Variants in TIAM2 observed in about 807,000 individuals in gnomAD.
The protein encoded by TIAM2 is TIAM Rac1 associated GEF 2.
A neutral mutation model predicts 152.9 loss-of-function variants in TIAM2; 80 were observed. The ratio of observed to expected loss-of-function variants is 0.52; its 90% CI spans 0.44 to 0.63. TIAM2 has a LOEUF of 0.63. Ranked by LOEUF, TIAM2 falls within the 30% of genes least tolerant of loss-of-function variation. The pLI is 0.00. For missense variants in TIAM2, 1,965 were observed against 2,120.1 expected, an observed-to-expected ratio of 0.93 and a Z score of 1.44; for synonymous variants, 804 against 838.0, an observed-to-expected ratio of 0.96 and a Z score of 0.70.
chr6:155,080,008 C>T (rs1336266526), intron 1 of TIAM2, among the ~76,000 whole-genome samples: 1 of 152,130 alleles, frequency 6.6e-6, no homozygotes. Flanking sequence ...CTGCTTGGAT[C>T]GTTCTGATGA....
At chr6:155,234,959 G>C (rs1014320492) in intron 15 of TIAM2, among the ~76,000 whole-genome samples, 22 of 151,908 alleles carry the variant, frequency 1.4e-4, no homozygotes, top group Non-Finnish European at 2.4e-4. Flanking sequence ...GGGCTGTGCG[G>C]ACAGCTAGAG....
intron 18 of TIAM2, 156 bp downstream of exon 18, chr6:155,244,939 G>GTTT: frequency 2.0e-6 from 2 of 983,422 alleles, no homozygotes; most frequent in Non-Finnish European, 2.8e-6. Flanking sequence ...CCTCTGTCAG[G>GTTT]TGGTAAAGGA....
At chr6:155,087,416 A>G (rs17085946) in intron 1 of TIAM2, among the ~76,000 whole-genome samples, 3,217 of 152,332 alleles carry the variant, frequency 0.021, 121 homozygotes, top group African/African-American at 0.073. Flanking sequence ...GACAGAGCCT[A>G]GTGAAGCTTG....
chr6:155,199,904 C>T (rs1781438580), intron 14 of TIAM2, among the ~76,000 whole-genome samples: 1 of 152,206 alleles, frequency 6.6e-6, no homozygotes, highest in Admixed American at 6.5e-5. Flanking sequence ...GTGTTATTAT[C>T]ATTTTACTTT....
intron 1 of TIAM2, among the ~76,000 whole-genome samples, chr6:155,029,485 C>CTATATATTATATATACTA (rs371777184): frequency 9.6e-5 from 1 of 10,368 alleles, no homozygotes; most frequent in Non-Finnish European, 1.8e-4. Flanking sequence ...AGTATATATA[C>CTATATATTATATATACTA]TATAGTATAT....
intron 1 of TIAM2, among the ~76,000 whole-genome samples, chr6:155,076,134 G>T (rs1317478212): frequency 6.6e-6 from 1 of 152,140 alleles, no homozygotes; most frequent in Non-Finnish European, 1.5e-5. Flanking sequence ...TCATGTTGGT[G>T]CTCAAAAAGT....
intron 14 of TIAM2, among the ~76,000 whole-genome samples, chr6:155,202,917 G>T (rs1253464575): frequency 6.6e-6 from 1 of 150,890 alleles, no homozygotes; most frequent in Non-Finnish European, 1.5e-5. Flanking sequence ...GCCGGATGTG[G>T]TGGCATGCAC....
intron 23 of TIAM2, 133 bp from the exon 24 acceptor site, chr6:155,252,815 T>C (rs1293863648): frequency 1.4e-6 from 1 of 720,750 alleles, no homozygotes; most frequent in Non-Finnish European, 2.3e-6. Flanking sequence ...GATTGACTTC[T>C]GTGCCCTGAA....
intron 1 of TIAM2, among the ~76,000 whole-genome samples, chr6:155,023,154 C>A (rs2114868465): frequency 6.8e-6 from 1 of 148,126 alleles, no homozygotes; most frequent in South Asian, 2.2e-4. Flanking sequence ...TTCAAGATAT[C>A]TGAGTTTGAC....
intron 14 of TIAM2, among the ~76,000 whole-genome samples, chr6:155,210,347 C>G (rs1286279843): frequency 2.0e-5 from 3 of 151,248 alleles, no homozygotes; most frequent in Non-Finnish European, 4.4e-5. Context: ...TTGATAGGGT[C>G]TCATTCTGTC....
At chr6:155,048,939 T>C (rs1268793123) in intron 1 of TIAM2, among the ~76,000 whole-genome samples, 1 of 152,068 alleles carries the variant, frequency 6.6e-6, no homozygotes, top group Non-Finnish European at 1.5e-5. Flanking sequence ...TAGCTGGGAC[T>C]ATAGGTGCAT....
intron 14 of TIAM2, among the ~76,000 whole-genome samples, chr6:155,208,987 C>T (rs545579703): frequency 3.3e-5 from 5 of 152,132 alleles, no homozygotes; most frequent in Admixed American, 6.5e-5. Context: ...CTGCCCACCC[C>T]GCCTTGTCAT....
intron 1 of TIAM2, among the ~76,000 whole-genome samples, chr6:155,086,901 G>A (rs1301334028): frequency 6.6e-6 from 1 of 152,184 alleles, no homozygotes; most frequent in African/African-American, 2.4e-5. Context: ...GTAAGGAATT[G>A]TGTCAGGCAC....
At chr6:155,140,417 A>G (rs141975590) in intron 5 of TIAM2, among the ~76,000 whole-genome samples, 2 of 152,276 alleles carry the variant, frequency 1.3e-5, no homozygotes, top group African/African-American at 4.8e-5. Flanking sequence ...TCATGTATCT[A>G]CTTTTTAAGT....
chr6:155,029,529 A>C (rs1776771000), intron 1 of TIAM2, among the ~76,000 whole-genome samples: 1 of 57,916 alleles, frequency 1.7e-5, no homozygotes, highest in African/African-American at 7.2e-5. Flanking sequence ...ATTATAGTAT[A>C]GATAATAATA....
rs536167496 is a variant in TIAM2 at position 155,059,258 on chromosome 6, G to A, written c.-208-31031G>A. On this transcript the variant is annotated intron_variant, in intron 1 of 26. Coordinates refer to ENST00000682666, the MANE Select transcript of TIAM2 (RefSeq NM_012454.4). ...TTGACACTTTTGATGATTAATGATC[G>A]GGAATTTAGTGGAATGTCCCTTTCT... is the stretch of plus-strand genomic sequence containing the variant. Among the ~76,000 whole-genome samples the A allele has an allele frequency of 6.7e-4, 102 of 151,180 alleles. No homozygotes were observed. In the South Asian group the frequency reaches 0.011, roughly 16 times the overall value.
At chr6:155,223,976 C>A in intron 15 of TIAM2, among the ~76,000 whole-genome samples, 1 of 152,170 alleles carries the variant, frequency 6.6e-6, no homozygotes, top group East Asian at 1.9e-4. Context: ...CTCATCCGAT[C>A]TTTAATATTT....
At chr6:155,018,012 A>C (rs1188517592) in intron 1 of TIAM2, among the ~76,000 whole-genome samples, 1 of 152,210 alleles carries the variant, frequency 6.6e-6, no homozygotes, top group African/African-American at 2.4e-5. Context: ...CCAGATGTAA[A>C]ATATCCCAAT....
At chr6:155,146,742 C>T (rs951292263) in intron 6 of TIAM2, among the ~76,000 whole-genome samples, 4 of 149,822 alleles carry the variant, frequency 2.7e-5, no homozygotes, top group Non-Finnish European at 4.4e-5. Flanking sequence ...GCTGGGATTA[C>T]AGGTGCCCGC....
Sources: gnomAD v4.1 joint callset for allele counts (sites outside exome capture counted in the v4.1 genomes callset) on GRCh38, gnomAD v4.1.1 for gene constraint, MANE v1.5 for transcripts, NCBI Gene and HGNC (gene_info 2026-07-23, HGNC 2026-07-21) for gene names.